The following IL1RAPL1 variants were observed in gnomAD, a reference collection of about 807,000 sequenced individuals.
IL1RAPL1 encodes interleukin 1 receptor accessory protein like 1, also known as interleukin-1 receptor accessory protein-like 1.
Under a neutral mutation model 48.4 loss-of-function variants are expected in IL1RAPL1, and 3 were observed. That is an observed-to-expected ratio of 0.06 (90% CI 0.03 to 0.16). The LOEUF is 0.16. IL1RAPL1 is among the 10% of genes least tolerant of loss of function. The probability of loss-of-function intolerance (pLI) is 1.00; values close to 1 mark genes in which losing one functional copy is unlikely to be tolerated. For missense variants in IL1RAPL1, 349 were observed against 530.6 expected, an observed-to-expected ratio of 0.66 and a Z score of 3.36; for synonymous variants, 185 against 187.7, an observed-to-expected ratio of 0.99 and a Z score of 0.12.
intron 6 of IL1RAPL1, among the ~76,000 whole-genome samples, chrX:29,737,350 G>A (rs1252656769): frequency 4.5e-5 from 5 of 111,610 alleles, no homozygotes; most frequent in Non-Finnish European, 9.4e-5. Context: ...AATTCCAAAG[G>A]AAAGGTTTGG....
At chrX:29,864,497 T>A (rs1931652917) in intron 6 of IL1RAPL1, among the ~76,000 whole-genome samples, 1 of 112,052 alleles carries the variant, frequency 8.9e-6, no homozygotes, top group African/African-American at 3.2e-5. Context: ...AACAGAAGAA[T>A]GTCAGAAATG....
intron 2 of IL1RAPL1, among the ~76,000 whole-genome samples, chrX:29,124,660 G>A (rs1184719187): frequency 1.8e-5 from 2 of 112,102 alleles, no homozygotes; most frequent in Non-Finnish European, 3.8e-5. Flanking sequence ...ATGAATCATT[G>A]AGACTGGAAG....
At chrX:29,399,575 C>G in intron 5 of IL1RAPL1, among the ~76,000 whole-genome samples, 1 of 111,572 alleles carries the variant, frequency 9.0e-6, no homozygotes, top group South Asian at 3.8e-4. Context: ...AATCCCAGCA[C>G]TTTGGGAGGC....
At chrX:29,712,993 T>A (rs1485806667) in intron 6 of IL1RAPL1, among the ~76,000 whole-genome samples, 1 of 112,077 alleles carries the variant, frequency 8.9e-6, no homozygotes, top group Non-Finnish European at 1.9e-5. Flanking sequence ...TCAAACAAAT[T>A]TTTTTAGCCA....
intron 5 of IL1RAPL1, among the ~76,000 whole-genome samples, chrX:29,520,959 T>C (rs149119194): frequency 0.015 from 1,681 of 111,114 alleles, 14 homozygotes; most frequent in Non-Finnish European, 0.024. Context: ...GAGTTACCCT[T>C]TGAACACAGC....
intron 6 of IL1RAPL1, among the ~76,000 whole-genome samples, chrX:29,837,965 G>A (rs138831030): frequency 9.8e-5 from 11 of 112,090 alleles, no homozygotes; most frequent in African/African-American, 3.6e-4. Context: ...ATTGCAGCTG[G>A]TAATTAAACT....
intron 2 of IL1RAPL1, among the ~76,000 whole-genome samples, chrX:28,970,696 T>A (rs1925048197): frequency 8.9e-6 from 1 of 111,800 alleles, no homozygotes; most frequent in South Asian, 3.7e-4. Context: ...TTGAAATAAT[T>A]TTCTACAAAA....
At chrX:29,565,761 G>A (rs60848957) in intron 5 of IL1RAPL1, among the ~76,000 whole-genome samples, 15,369 of 111,145 alleles carry the variant, frequency 0.14, 1,377 homozygotes, top group African/African-American at 0.33. Flanking sequence ...ATAAAAAGAC[G>A]TGCACAGAGA....
intron 5 of IL1RAPL1, among the ~76,000 whole-genome samples, chrX:29,516,048 GT>G (rs1171426828): frequency 9.0e-6 from 1 of 111,602 alleles, no homozygotes; most frequent in Non-Finnish European, 1.9e-5. Flanking sequence ...GATTTTCAGT[GT>G]TTTATGAATT....
At chrX:29,252,931 T>C (rs1240800448) in intron 2 of IL1RAPL1, among the ~76,000 whole-genome samples, 1 of 111,154 alleles carries the variant, frequency 9.0e-6, no homozygotes, top group Non-Finnish European at 1.9e-5. Context: ...ATCTGGTAAA[T>C]GTTTTCTCGT....
At chrX:28,749,964 T>A (rs1313205398) in intron 1 of IL1RAPL1, among the ~76,000 whole-genome samples, 1 of 109,822 alleles carries the variant, frequency 9.1e-6, no homozygotes, top group Non-Finnish European at 1.9e-5. Flanking sequence ...TACATTTTTT[T>A]TTTTTTGAGA....
intron 2 of IL1RAPL1, among the ~76,000 whole-genome samples, chrX:29,027,308 A>T (rs1350696590): frequency 8.9e-6 from 1 of 112,199 alleles, no homozygotes. Context: ...CTTTTCAAAT[A>T]ATTAGCTTTT....
In IL1RAPL1 at chrX:28,999,804, C is replaced by G. The variant is rs1168536508; in HGVS notation, c.82+210379C>G. Among the ~76,000 whole-genome samples the G allele has an allele frequency of 3.6e-5, 4 of 111,887 alleles. No homozygotes were observed. In the East Asian group the frequency reaches 1.1e-3, roughly 31 times the overall value. ...CTTAAATAAAATACAACTTCTTGCG[C>G]ATAGGTATTTGTTCTAAGGATAGTT... On this transcript the variant is annotated intron_variant, in intron 2 of 10. Transcript: ENST00000378993.
intron 3 of IL1RAPL1, among the ~76,000 whole-genome samples, chrX:29,312,576 A>G (rs896197471): frequency 1.8e-5 from 2 of 112,086 alleles, no homozygotes; most frequent in African/African-American, 6.5e-5. Context: ...AAACAAAGAG[A>G]AATTCATCTG....
At chrX:29,144,003 A>G (rs1231146852) in intron 2 of IL1RAPL1, among the ~76,000 whole-genome samples, 1 of 111,537 alleles carries the variant, frequency 9.0e-6, no homozygotes, top group East Asian at 2.8e-4. Context: ...ATTGTGGCCA[A>G]TTTTTAATGC....
chrX:29,183,554 T>C (rs1419919553), intron 2 of IL1RAPL1, among the ~76,000 whole-genome samples: 4 of 112,030 alleles, frequency 3.6e-5, no homozygotes, highest in African/African-American at 1.3e-4. Flanking sequence ...CACATACTCA[T>C]CTCTATACCC....
At chrX:29,306,187 C>T (rs887949386) in intron 3 of IL1RAPL1, among the ~76,000 whole-genome samples, 1 of 111,991 alleles carries the variant, frequency 8.9e-6, no homozygotes, top group Non-Finnish European at 1.9e-5. Context: ...ATGTTTAATT[C>T]CCTCCAATCC....
At chrX:28,609,536 AT>A (rs753210544) in intron 1 of IL1RAPL1, among the ~76,000 whole-genome samples, 1,191 of 94,799 alleles carry the variant, frequency 0.013, 10 homozygotes, top group African/African-American at 0.033. Context: ...CCTGGCAGGC[AT>A]TTTTTTTTTT....
intron 2 of IL1RAPL1, among the ~76,000 whole-genome samples, chrX:28,855,935 T>C (rs1293047167): frequency 8.9e-6 from 1 of 111,779 alleles, no homozygotes; most frequent in Admixed American, 9.5e-5. Flanking sequence ...CATATCTTTG[T>C]TTCTTTGGGA....
Sources: gnomAD v4.1 joint callset for allele counts (sites outside exome capture counted in the v4.1 genomes callset) on GRCh38, gnomAD v4.1.1 for gene constraint, MANE v1.5 for transcripts, NCBI Gene and HGNC (gene_info 2026-07-23, HGNC 2026-07-21) for gene names.